KCNK9: variants seen among roughly 807,000 people sequenced by gnomAD.
The protein encoded by KCNK9 is potassium channel subfamily K member 9.
KCNK9 carries 1 observed loss-of-function variant against 10.8 expected under a neutral mutation model. The observed-to-expected ratio is 0.09, with a 90% CI of 0.03 to 0.44. KCNK9 has a LOEUF of 0.44. Ranked by LOEUF, KCNK9 falls within the 20% of genes least tolerant of loss-of-function variation. The pLI is 0.97. For synonymous variants in KCNK9, 231 were observed against 222.7 expected, an observed-to-expected ratio of 1.04 and a Z score of -0.33; for missense variants, 303 against 515.0, an observed-to-expected ratio of 0.59 and a Z score of 3.98.
At chr8:139,696,715 A>ATGAG (rs1817061325) in intron 1 of KCNK9, among the ~76,000 whole-genome samples, 1 of 149,594 alleles carries the variant, frequency 6.7e-6, no homozygotes, top group South Asian at 2.2e-4. Context: ...GGATGGATGG[A>ATGAG]TGAGTGGGTG....
chr8:139,623,474 C>T (rs1318130229), intron 1 of KCNK9, among the ~76,000 whole-genome samples: 2 of 152,158 alleles, frequency 1.3e-5, no homozygotes, highest in Non-Finnish European at 2.9e-5. Flanking sequence ...AGGAGCCCTG[C>T]CCAGTGCCCA....
intron 2 of KCNK9, among the ~76,000 whole-genome samples, chr8:139,604,003 T>C (rs1817430281): frequency 6.6e-6 from 1 of 152,140 alleles, no homozygotes; most frequent in South Asian, 2.1e-4. Context: ...CTCCCTGAGC[T>C]CATGTGTCAG....
chr8:139,642,831 C>A (rs1382557792), intron 1 of KCNK9, among the ~76,000 whole-genome samples: 1 of 152,202 alleles, frequency 6.6e-6, no homozygotes, highest in Non-Finnish European at 1.5e-5. Context: ...AGTGGCGGCC[C>A]CCATGGGGAA....
downstream of KCNK9, among the ~76,000 whole-genome samples, chr8:139,608,155 C>A (rs1336162424): frequency 6.6e-6 from 1 of 152,194 alleles, no homozygotes; most frequent in Non-Finnish European, 1.5e-5. Context: ...CTTCTGTCTT[C>A]CCAACTGGAC....
chr8:139,637,509 T>G (rs916555094), intron 1 of KCNK9, among the ~76,000 whole-genome samples: 2 of 152,024 alleles, frequency 1.3e-5, no homozygotes, highest in African/African-American at 4.8e-5. Context: ...CTGGAAGAAA[T>G]TATGCTAAGT....
chr8:139,687,423 TACATATATATTCATATATATGTATAC>T (rs1563751752), intron 1 of KCNK9, among the ~76,000 whole-genome samples: 2 of 130,394 alleles, frequency 1.5e-5, no homozygotes, highest in African/African-American at 5.8e-5. Flanking sequence ...TATATGTGTA[TACATATATATTCATATATATGTATAC>T]ACATATATAT....
intron 1 of KCNK9, among the ~76,000 whole-genome samples, chr8:139,687,425 C>CAT (rs1323037256): frequency 2.2e-5 from 3 of 137,324 alleles, no homozygotes; most frequent in Non-Finnish European, 3.0e-5. Context: ...TATGTGTATA[C>CAT]ATATATATTC....
intron 1 of KCNK9, among the ~76,000 whole-genome samples, chr8:139,629,413 A>C (rs1815091613): frequency 2.6e-5 from 4 of 152,208 alleles, no homozygotes; most frequent in Admixed American, 2.6e-4. Context: ...CTAAACAAGT[A>C]TTTGTACCCA....
At chr8:139,628,931 G>A (rs1208365488) in intron 1 of KCNK9, among the ~76,000 whole-genome samples, 1 of 152,150 alleles carries the variant, frequency 6.6e-6, no homozygotes, top group African/African-American at 2.4e-5. Context: ...CCTGGCCCAG[G>A]GTTGCACTGG....
chr8:139,700,624 A>T (rs893526132), intron 1 of KCNK9, among the ~76,000 whole-genome samples: 4 of 152,156 alleles, frequency 2.6e-5, no homozygotes, highest in African/African-American at 9.7e-5. Flanking sequence ...GGAAGCGAGG[A>T]AAATCAGCGA....
In KCNK9 at chr8:139,702,052, G is replaced by A. The variant is rs1177741568; in HGVS notation, c.283+658C>T. 6.6e-6 allele frequency among the ~76,000 whole-genome samples: 1 copy of A among 152,174 alleles called. No individual in the cohort carries two copies. Among genetic ancestry groups the A allele is most frequent in the Non-Finnish European group, 1.5e-5 (1 of 68,030 alleles). On this transcript the variant is annotated intron_variant, in intron 1 of 1. Transcript: ENST00000520439. This position sits in a 1 kb window ranked among gnomAD's most constrained non-coding sequence, Gnocchi z 7.5. ...CTCCACCTCTACTGAGAGCAATTGA[G>A]GGGCTGCCACCCCCAACGCAAGCAC...
chr8:139,654,550 G>A (rs1815965057), intron 1 of KCNK9, among the ~76,000 whole-genome samples: 1 of 152,196 alleles, frequency 6.6e-6, no homozygotes, highest in Admixed American at 6.5e-5. Flanking sequence ...CCCCCTGCCA[G>A]GCTCTTCCCT....
intron 2 of KCNK9, among the ~76,000 whole-genome samples, chr8:139,602,617 T>C (rs967117673): frequency 5.3e-5 from 8 of 152,244 alleles, no homozygotes; most frequent in African/African-American, 1.9e-4. Flanking sequence ...CTATGTCTTA[T>C]TTAATAATGT....
chr8:139,671,404 G>A, intron 1 of KCNK9, among the ~76,000 whole-genome samples: 1 of 152,202 alleles, frequency 6.6e-6, no homozygotes, highest in East Asian at 1.9e-4. Context: ...AGACGCCTAA[G>A]CCATGAACTC....
At chr8:139,679,027 TTTG>T (rs781665519) in intron 1 of KCNK9, among the ~76,000 whole-genome samples, 5 of 152,176 alleles carry the variant, frequency 3.3e-5, no homozygotes, top group Non-Finnish European at 5.9e-5. Context: ...TAGGGTTTGC[TTTG>T]TTTTTTTTAA....
intron 1 of KCNK9, among the ~76,000 whole-genome samples, chr8:139,677,229 G>GC (rs1420645647): frequency 6.6e-6 from 1 of 152,116 alleles, no homozygotes; most frequent in African/African-American, 2.4e-5. Flanking sequence ...CTGTGCCTGT[G>GC]CTGGGTGTTA....
intron 1 of KCNK9, among the ~76,000 whole-genome samples, chr8:139,656,622 A>T (rs1021288730): frequency 3.9e-5 from 6 of 152,156 alleles, no homozygotes; most frequent in African/African-American, 1.2e-4. Context: ...GAAATGACTG[A>T]TGATTTTCTT....
chr8:139,660,319 G>T (rs148455400), intron 1 of KCNK9, among the ~76,000 whole-genome samples: 6 of 152,026 alleles, frequency 3.9e-5, no homozygotes, highest in African/African-American at 1.2e-4. Context: ...TTAAAAATAG[G>T]ATAGGCCCAG....
At chr8:139,622,261 G>A (rs1397523908) in intron 1 of KCNK9, among the ~76,000 whole-genome samples, 1 of 152,270 alleles carries the variant, frequency 6.6e-6, no homozygotes, top group East Asian at 1.9e-4. Flanking sequence ...CAGTGGTCTG[G>A]GGAACAGGAC....
Sources: gnomAD v4.1 joint callset for allele counts (sites outside exome capture counted in the v4.1 genomes callset) on GRCh38, gnomAD v4.1.1 for gene constraint, Gnocchi (gnomAD v3.1) non-coding constraint, MANE v1.5 for transcripts, NCBI Gene and HGNC (gene_info 2026-07-23, HGNC 2026-07-21) for gene names.